Variants in FRYL observed in about 807,000 individuals in gnomAD.
FRYL encodes the protein FRY like transcription coactivator.
FRYL carries 150 observed loss-of-function variants against 351.2 expected under a neutral mutation model. The ratio of observed to expected loss-of-function variants is 0.43; its 90% CI spans 0.37 to 0.49. The LOEUF (loss-of-function observed/expected upper bound fraction) is 0.49, where lower values mean the gene tolerates loss of function less well. Ranked by LOEUF, FRYL falls within the 20% of genes least tolerant of loss-of-function variation. The probability of loss-of-function intolerance (pLI) is 0.00; values close to 1 mark genes in which losing one functional copy is unlikely to be tolerated. For synonymous variants in FRYL, 1,153 were observed against 1,257.1 expected (o/e 0.92, Z 1.75); for missense variants, 3,036 against 3,619.3 (o/e 0.84, Z 4.13).
At chr4:48,776,918 G>A (rs1479517472) in intron 1 of FRYL, among the ~76,000 whole-genome samples, 1 of 152,052 alleles carries the variant, frequency 6.6e-6, no homozygotes, top group Admixed American at 6.6e-5. Context: ...CATGAATCCT[G>A]TGTCACTGTT....
chr4:48,687,214 T>C (rs896694559), intron 2 of FRYL, among the ~76,000 whole-genome samples: 3 of 152,064 alleles, frequency 2.0e-5, no homozygotes, highest in African/African-American at 7.2e-5. Context: ...TTTGAGACAG[T>C]GAAGGTCAGA....
At chr4:48,701,728 G>A (rs989424753) in intron 2 of FRYL, among the ~76,000 whole-genome samples, 4 of 152,154 alleles carry the variant, frequency 2.6e-5, no homozygotes, top group Non-Finnish European at 4.4e-5. Flanking sequence ...AGTCAGCTAA[G>A]CGGACAATGA....
chr4:48,759,566 G>A (rs1316794031), intron 1 of FRYL, among the ~76,000 whole-genome samples: 1 of 152,174 alleles, frequency 6.6e-6, no homozygotes, highest in Non-Finnish European at 1.5e-5. Flanking sequence ...CTTGGCTTTA[G>A]AAGTTTAGAG....
At chr4:48,619,917 AAAG>A (rs771193223) in intron 6 of FRYL, among the ~76,000 whole-genome samples, 10 of 152,350 alleles carry the variant, frequency 6.6e-5, no homozygotes, top group East Asian at 1.9e-4. Context: ...ACTTAACCTA[AAAG>A]AATTAGTAAG....
chr4:48,649,258 A>C (rs1424256429), intron 3 of FRYL, among the ~76,000 whole-genome samples: 1 of 152,188 alleles, frequency 6.6e-6, no homozygotes, highest in Admixed American at 6.5e-5. Flanking sequence ...AAAAAATCTG[A>C]GTATTAAAAA....
intron 2 of FRYL, among the ~76,000 whole-genome samples, chr4:48,703,668 T>C (rs760485412): frequency 6.6e-6 from 1 of 152,208 alleles, no homozygotes; most frequent in Non-Finnish European, 1.5e-5. Context: ...AAGAGGCAAC[T>C]CACAACCTCT....
intron 1 of FRYL, among the ~76,000 whole-genome samples, chr4:48,745,759 A>G (rs1297928927): frequency 6.6e-6 from 1 of 152,198 alleles, no homozygotes; most frequent in Non-Finnish European, 1.5e-5. Context: ...TAATAATAAT[A>G]AAAGAAAGAT....
At chr4:48,661,968 C>T (rs1760821016) in intron 3 of FRYL, among the ~76,000 whole-genome samples, 1 of 152,020 alleles carries the variant, frequency 6.6e-6, no homozygotes, top group Non-Finnish European at 1.5e-5. Flanking sequence ...TAAGATGCTG[C>T]CAAAGAAAAA....
intron 7 of FRYL, among the ~76,000 whole-genome samples, chr4:48,610,472 T>A (rs191693444): frequency 4.0e-5 from 6 of 151,784 alleles, no homozygotes; most frequent in Non-Finnish European, 7.4e-5. Flanking sequence ...CATGCGTGCA[T>A]TCCTTAGTTT....
At chr4:48,554,666 T>TAA (rs1369354306) in intron 35 of FRYL, among the ~76,000 whole-genome samples, 1 of 152,222 alleles carries the variant, frequency 6.6e-6, no homozygotes, top group Non-Finnish European at 1.5e-5. Flanking sequence ...TACCCAGTGA[T>TAA]AACCTTCTAG....
At position 48,555,655 on chromosome 4, in the gene FRYL, G is replaced by A. The variant is rs76640019; in HGVS notation, c.4266+1323C>T. Among the ~76,000 whole-genome samples the A allele has an allele frequency of 2.4e-4, 36 of 152,340 alleles. No individual in the cohort carries two copies. The East Asian group carries it at 6.6e-3, about 28-fold the overall frequency. On this transcript the variant is annotated intron_variant, in intron 35 of 63. Transcript: ENST00000358350. ...GGTGGAAGCAAAGGGGGCCAGCGCAGCTGAAGGGTGGGAGCACCAGACAGA... is the reference window on the plus strand; with the variant it reads ...GGTGGAAGCAAAGGGGGCCAGCGCAACTGAAGGGTGGGAGCACCAGACAGA...
At chr4:48,753,464 A>G (rs993652480) in intron 1 of FRYL, among the ~76,000 whole-genome samples, 2 of 152,170 alleles carry the variant, frequency 1.3e-5, no homozygotes, top group African/African-American at 4.8e-5. Context: ...CATATACCAT[A>G]AAATTCACCA....
chr4:48,705,426 T>C (rs942248606), intron 2 of FRYL, among the ~76,000 whole-genome samples: 2 of 147,370 alleles, frequency 1.4e-5, no homozygotes, highest in African/African-American at 5.0e-5. Context: ...TAAAAAGAAA[T>C]CAGTAATACA....
At chr4:48,613,290 A>G (rs1228151465) in intron 7 of FRYL, among the ~76,000 whole-genome samples, 1 of 152,172 alleles carries the variant, frequency 6.6e-6, no homozygotes, top group Admixed American at 6.5e-5. Flanking sequence ...TTGGTGCTCA[A>G]AAAGTTTTGG....
chr4:48,711,231 G>A lies in FRYL; in HGVS notation c.-383-533C>T, dbSNP rs1455022506. On this transcript the variant is annotated intron_variant, in intron 1 of 63. Transcript: ENST00000358350. ...GTGGGCGCAGGTCAGTGGGTGCAGC[G>A]CACCGTGCGCGAGCCGAAGCAGGAT... Among the ~76,000 whole-genome samples, 44 of 152,340 alleles carry A rather than the reference G, an allele frequency of 2.9e-4. 1 individual carries two copies. Among genetic ancestry groups the A allele is most frequent in the African/African-American group, 6.0e-4 (25 of 41,576 alleles).
chr4:48,717,355 G>A (rs1768980885), intron 1 of FRYL, among the ~76,000 whole-genome samples: 1 of 151,580 alleles, frequency 6.6e-6, no homozygotes, highest in African/African-American at 2.4e-5. Context: ...CCATTTATAT[G>A]AAATGTCCAT....
chr4:48,670,251 T>C (rs1762432277), intron 3 of FRYL, among the ~76,000 whole-genome samples: 1 of 151,930 alleles, frequency 6.6e-6, no homozygotes, highest in Non-Finnish European at 1.5e-5. Flanking sequence ...CTGGCCAACA[T>C]GGTGAAACCC....
In FRYL at chr4:48,564,962, C is replaced by A. The variant is rs768271706; in HGVS notation, c.3412G>T (p.Asp1138Tyr). ...SSDGYLYKWL[D>Y]NILDSLDKKV... ...TTGTCCAGAGAATCCAAAATGTTAT[C>A]CAACCATTTGTACAAATAGCCATCT... Residue 1138 changes from aspartate to tyrosine, a missense_variant, in exon 30 of 64, where the codon GAT becomes TAT. Asp to Tyr is a radical substitution (Grantham distance 160). Around this residue, in one of 7 missense-constraint regions of FRYL, gnomAD observed 1,987 missense variants for 2,311.7 expected, o/e 0.86. Transcript: ENST00000358350. 3 of 1,602,328 alleles carry A rather than the reference C, an allele frequency of 1.9e-6. No homozygotes were observed. Among genetic ancestry groups the A allele is most frequent in the Non-Finnish European group, 1.7e-6 (2 of 1,170,808 alleles).
chr4:48,640,281 T>C (rs1239955744), intron 3 of FRYL, among the ~76,000 whole-genome samples: 1 of 152,120 alleles, frequency 6.6e-6, no homozygotes, highest in Non-Finnish European at 1.5e-5. Flanking sequence ...GGTGAATGGA[T>C]AAATAAACTG....
Sources: gnomAD v4.1 joint callset for allele counts (sites outside exome capture counted in the v4.1 genomes callset) on GRCh38, gnomAD v4.1.1 for gene constraint, gnomAD v4.1.1 regional missense constraint, MANE v1.5 for transcripts, NCBI Gene and HGNC (gene_info 2026-07-23, HGNC 2026-07-21) for gene names.